CCDC85A: variants seen among roughly 807,000 people sequenced by gnomAD.
CCDC85A encodes the protein coiled-coil domain containing 85A.
A neutral mutation model predicts 50.2 loss-of-function variants in CCDC85A; 38 were observed. The observed-to-expected ratio is 0.76, with a 90% CI of 0.58 to 0.99. CCDC85A has a LOEUF of 0.99. Ranked by LOEUF, CCDC85A falls within the 50% of genes least tolerant of loss-of-function variation. The pLI is 0.00. For missense variants in CCDC85A, 820 were observed against 742.0 expected, an observed-to-expected ratio of 1.11 and a Z score of -1.22; for synonymous variants, 366 against 301.4, an observed-to-expected ratio of 1.21 and a Z score of -2.22.
chr2:56,193,038 G>A lies in CCDC85A; in HGVS notation c.838G>A (p.Glu280Lys), dbSNP rs1320566334. 6.2e-7 allele frequency: 1 copy of A among 1,613,870 alleles called. No homozygotes were observed. The highest frequency in any genetic ancestry group is 1.7e-5 in the Admixed American group (1 of 60,016). Reference sequence around the variant, plus strand: ...CAAAGCACTCAAAGGACCTAGCCCGGAGCACCACAAACCCTTGTGCAAGGG... The same window carrying A: ...CAAAGCACTCAAAGGACCTAGCCCGAAGCACCACAAACCCTTGTGCAAGGG... ...RPKALKGPSP[E>K]HHKPLCKGSP... is the part of the protein sequence containing the mutation. Residue 280 changes from glutamate (E) to lysine (K), a missense_variant, in exon 2 of 6, where the codon GAG becomes AAG. Glu to Lys is a moderately conservative substitution (Grantham distance 56). Transcript: ENST00000407595.
intron 2 of CCDC85A, among the ~76,000 whole-genome samples, chr2:56,252,397 G>A (rs945227490): frequency 7.2e-5 from 11 of 152,268 alleles, no homozygotes; most frequent in African/African-American, 2.6e-4. Context: ...TAGGGTCAAT[G>A]ACAGGGAAAC....
chr2:56,276,395 C>T (rs1670945560), intron 2 of CCDC85A, among the ~76,000 whole-genome samples: 1 of 151,990 alleles, frequency 6.6e-6, no homozygotes, highest in African/African-American at 2.4e-5. Context: ...GTATCCCCAC[C>T]CAAATCTCAT....
intron 2 of CCDC85A, among the ~76,000 whole-genome samples, chr2:56,304,990 C>T (rs1342039323): frequency 2.0e-5 from 3 of 150,578 alleles, no homozygotes; most frequent in African/African-American, 7.3e-5. Context: ...TTAGTCCCAG[C>T]TATTCAGGAG....
intron 1 of CCDC85A, among the ~76,000 whole-genome samples, chr2:56,186,472 T>TG (rs1270596262): frequency 6.6e-6 from 1 of 152,298 alleles, no homozygotes; most frequent in East Asian, 1.9e-4. Flanking sequence ...GACTATAAAA[T>TG]GGTAGTTACT....
intron 3 of CCDC85A, among the ~76,000 whole-genome samples, chr2:56,352,369 G>A (rs551084267): frequency 2.3e-3 from 351 of 151,516 alleles, no homozygotes; most frequent in African/African-American, 7.6e-3. Context: ...TTCTTTTTTC[G>A]AGACAGGCAC....
intron 2 of CCDC85A, among the ~76,000 whole-genome samples, chr2:56,238,269 T>G (rs552422600): frequency 6.6e-6 from 1 of 151,816 alleles, no homozygotes; most frequent in Non-Finnish European, 1.5e-5. Context: ...TACAAAAAAT[T>G]AGCTAGGCAT....
intron 3 of CCDC85A, among the ~76,000 whole-genome samples, chr2:56,353,104 G>C (rs565142509): frequency 6.6e-6 from 1 of 152,230 alleles, no homozygotes; most frequent in African/African-American, 2.4e-5. Context: ...ATCGTGGGGG[G>C]TTACTCTACC....
intron 2 of CCDC85A, among the ~76,000 whole-genome samples, chr2:56,300,535 T>C (rs144913943): frequency 1.3e-5 from 2 of 152,182 alleles, no homozygotes; most frequent in Non-Finnish European, 1.5e-5. Flanking sequence ...CTCTAGAATC[T>C]GATCCAGTGA....
chr2:56,234,272 T>C (rs1018126425), intron 2 of CCDC85A, among the ~76,000 whole-genome samples: 3 of 152,140 alleles, frequency 2.0e-5, no homozygotes, highest in African/African-American at 7.2e-5. Context: ...CCATGTATCA[T>C]GGGTGCAGTG....
chr2:56,247,206 G>C (rs1198869265), intron 2 of CCDC85A, among the ~76,000 whole-genome samples: 3 of 152,098 alleles, frequency 2.0e-5, no homozygotes, highest in Admixed American at 2.0e-4. Flanking sequence ...AGAACACAGT[G>C]GTCACTAGGG....
At chr2:56,203,027 G>A (rs531423686) in intron 2 of CCDC85A, among the ~76,000 whole-genome samples, 1 of 152,268 alleles carries the variant, frequency 6.6e-6, no homozygotes, top group South Asian at 2.1e-4. Context: ...TTTTTGAGGG[G>A]GATGCTGTGA....
At chr2:56,307,249 T>G (rs1028461599) in intron 2 of CCDC85A, among the ~76,000 whole-genome samples, 1 of 152,154 alleles carries the variant, frequency 6.6e-6, no homozygotes, top group African/African-American at 2.4e-5. Flanking sequence ...CTTTTAAGTA[T>G]GCAAAGCAAG....
At chr2:56,350,463 G>A (rs540075844) in intron 3 of CCDC85A, among the ~76,000 whole-genome samples, 2 of 152,234 alleles carry the variant, frequency 1.3e-5, no homozygotes, top group East Asian at 3.9e-4. Context: ...CCAGTCTTCT[G>A]TTTTCTAATA....
At chr2:56,298,713 C>A (rs73940645) in intron 2 of CCDC85A, among the ~76,000 whole-genome samples, 2 of 152,034 alleles carry the variant, frequency 1.3e-5, no homozygotes, top group Admixed American at 6.6e-5. Context: ...ATCTAGAGAT[C>A]GGAGAATAGG....
intron 2 of CCDC85A, among the ~76,000 whole-genome samples, chr2:56,216,644 C>A (rs914345617): frequency 4.6e-5 from 7 of 150,996 alleles, no homozygotes; most frequent in African/African-American, 1.7e-4. Flanking sequence ...GTATTCATTT[C>A]ATTTATTTCT....
chr2:56,202,384 C>T (rs188334189), intron 2 of CCDC85A, among the ~76,000 whole-genome samples: 212 of 152,214 alleles, frequency 1.4e-3, no homozygotes, highest in African/African-American at 4.6e-3. Flanking sequence ...CTTTTTCCTC[C>T]CACACAGACT....
At chr2:56,370,013 C>G (rs1405474737) in intron 3 of CCDC85A, among the ~76,000 whole-genome samples, 1 of 152,114 alleles carries the variant, frequency 6.6e-6, no homozygotes, top group African/African-American at 2.4e-5. Flanking sequence ...TAATTTACTT[C>G]TCACACAATG....
chr2:56,357,112 C>A (rs908725592), intron 3 of CCDC85A, among the ~76,000 whole-genome samples: 1 of 151,718 alleles, frequency 6.6e-6, no homozygotes, highest in Non-Finnish European at 1.5e-5. Flanking sequence ...CCCTAAATAG[C>A]CACTTGTGAA....
intron 2 of CCDC85A, among the ~76,000 whole-genome samples, chr2:56,289,854 CT>C (rs1258526829): frequency 6.7e-6 from 1 of 149,028 alleles, no homozygotes; most frequent in African/African-American, 2.5e-5. Flanking sequence ...TAAGAACACG[CT>C]GGCAGTAAAG....
Sources: allele counts gnomAD v4.1 joint callset (sites outside exome capture counted in the v4.1 genomes callset), GRCh38; gene constraint gnomAD v4.1.1; transcripts MANE v1.5; gene names NCBI Gene and HGNC (gene_info 2026-07-23, HGNC 2026-07-21).